GSDMC: variants seen among roughly 807,000 people sequenced by gnomAD.
The protein encoded by GSDMC is gasdermin-C.
Under a neutral mutation model 58.0 loss-of-function variants are expected in GSDMC, and 59 were observed. The observed-to-expected ratio is 1.02, with a 90% CI of 0.82 to 1.26. GSDMC has a LOEUF of 1.26. Ranked by LOEUF, GSDMC falls within the 50% of genes most tolerant of loss-of-function variation. The probability of loss-of-function intolerance (pLI) is 0.00; values close to 1 mark genes in which losing one functional copy is unlikely to be tolerated. For missense variants in GSDMC, 659 were observed against 598.5 expected (o/e 1.10, Z -1.06); for synonymous variants, 241 against 220.2 (o/e 1.09, Z -0.83).
intron 6 of GSDMC, among the ~76,000 whole-genome samples, chr8:129,754,121 C>A (rs1399485164): frequency 6.6e-6 from 1 of 152,230 alleles, no homozygotes; most frequent in African/African-American, 2.4e-5. Flanking sequence ...TTGTCACCTG[C>A]TGATTGTAGA....
chr8:129,720,224 G>A, the GSDMC span, among the ~76,000 whole-genome samples: 1 of 152,156 alleles, frequency 6.6e-6, no homozygotes, highest in African/African-American at 2.4e-5. Flanking sequence ...CCCTCACAGT[G>A]TTTTGGTGAG....
the GSDMC span, among the ~76,000 whole-genome samples, chr8:129,742,576 G>T: frequency 5.3e-5 from 8 of 152,072 alleles, no homozygotes; most frequent in Non-Finnish European, 1.2e-4. Flanking sequence ...AACTCTAGCT[G>T]CCTTGGCTTC....
the GSDMC span, among the ~76,000 whole-genome samples, chr8:129,706,865 A>G: frequency 6.6e-6 from 1 of 152,234 alleles, no homozygotes; most frequent in Non-Finnish European, 1.5e-5. Context: ...CATAGTATTC[A>G]GCTGTCAATA....
intron 3 of GSDMC, 81 bp downstream of exon 3, chr8:129,776,021 T>C (rs1423472103): frequency 3.6e-6 from 4 of 1,098,526 alleles, no homozygotes; most frequent in African/African-American, 1.6e-5. Flanking sequence ...ACAACAAGAC[T>C]TGCTAGATGT....
At chr8:129,746,863 T>C (rs376038459), downstream of GSDMC, among the ~76,000 whole-genome samples, 22 of 152,240 alleles carry the variant, frequency 1.4e-4, no homozygotes, top group Admixed American at 9.8e-4. Flanking sequence ...TTCTCAAATA[T>C]GAAGGGACTT....
downstream of GSDMC, among the ~76,000 whole-genome samples, chr8:129,747,273 T>G (rs2032983520): frequency 6.6e-6 from 1 of 150,920 alleles, no homozygotes; most frequent in Admixed American, 6.6e-5. Flanking sequence ...AAAAAAAAAT[T>G]TGATAAAGAA....
intron 12 of GSDMC, 49 bp from the exon 13 acceptor site, chr8:129,749,574 T>C (rs1458836765): frequency 2.1e-6 from 3 of 1,398,118 alleles, no homozygotes; most frequent in Non-Finnish European, 3.0e-6. Flanking sequence ...GAATCCAGAT[T>C]TTTCCTCCCA....
At chr8:129,774,049 T>G (rs1054189152) in intron 3 of GSDMC, among the ~76,000 whole-genome samples, 1 of 151,944 alleles carries the variant, frequency 6.6e-6, no homozygotes, top group Non-Finnish European at 1.5e-5. Flanking sequence ...TTCACAGAAA[T>G]AGAAAAAATA....
intron 6 of GSDMC, among the ~76,000 whole-genome samples, chr8:129,757,439 C>G (rs2033484992): frequency 6.6e-6 from 1 of 151,972 alleles, no homozygotes; most frequent in Non-Finnish European, 1.5e-5. Context: ...AGCCCAGGAC[C>G]TGATGGATTC....
chr8:129,759,020 A>T (rs2033553966), intron 6 of GSDMC, among the ~76,000 whole-genome samples: 1 of 152,108 alleles, frequency 6.6e-6, no homozygotes, highest in Admixed American at 6.6e-5. Flanking sequence ...ACAGACCCAT[A>T]ACCAAAGGAA....
chr8:129,757,058 G>T (rs1232731985), intron 6 of GSDMC, among the ~76,000 whole-genome samples: 1 of 151,652 alleles, frequency 6.6e-6, no homozygotes, highest in Non-Finnish European at 1.5e-5. Flanking sequence ...AAAGATCAGA[G>T]TAGAAATAAA....
At chr8:129,774,290 GAC>G (rs914700513) in intron 3 of GSDMC, among the ~76,000 whole-genome samples, 8 of 152,102 alleles carry the variant, frequency 5.3e-5, no homozygotes, top group Non-Finnish European at 1.0e-4. Context: ...GACAAGAAAA[GAC>G]AGTGAGATAA....
chr8:129,774,844 A>T (rs1295169342), intron 3 of GSDMC, among the ~76,000 whole-genome samples: 2 of 152,210 alleles, frequency 1.3e-5, no homozygotes, highest in African/African-American at 2.4e-5. Flanking sequence ...AAAATTACTT[A>T]TCAGGGACGT....
the GSDMC span, among the ~76,000 whole-genome samples, chr8:129,736,108 T>G: frequency 2.0e-5 from 3 of 151,780 alleles, no homozygotes; most frequent in Non-Finnish European, 2.9e-5. Context: ...AATTGAATTT[T>G]TGAATAGATC....
the GSDMC span, among the ~76,000 whole-genome samples, chr8:129,733,642 T>C: frequency 2.4e-3 from 358 of 152,082 alleles, 11 homozygotes; most frequent in Admixed American, 0.019. Flanking sequence ...AAAAAGCACA[T>C]CCACACCAAA....
chr8:129,748,892 C>A, intron 13 of GSDMC, 152 bp from the exon 14 acceptor site: 2 of 530,426 alleles, frequency 3.8e-6, no homozygotes. Context: ...TCATACCCTA[C>A]GATCCAAAGA....
intron 6 of GSDMC, among the ~76,000 whole-genome samples, chr8:129,756,413 G>C (rs2033437012): frequency 6.6e-6 from 1 of 151,966 alleles, no homozygotes; most frequent in Non-Finnish European, 1.5e-5. Flanking sequence ...AAGAGAGAGA[G>C]AGCTAAAGAG....
intron 3 of GSDMC, among the ~76,000 whole-genome samples, chr8:129,769,250 G>A (rs960316415): frequency 3.3e-5 from 5 of 152,068 alleles, no homozygotes; most frequent in Non-Finnish European, 5.9e-5. Context: ...AAAAGTCAAA[G>A]ATAAAGAGAA....
At chr8:129,756,526 A>T (rs138424765) in intron 6 of GSDMC, among the ~76,000 whole-genome samples, 2 of 152,290 alleles carry the variant, frequency 1.3e-5, no homozygotes, top group African/African-American at 4.8e-5. Context: ...GAAGCCTGAG[A>T]CTTATTCTGC....
Sources: gnomAD v4.1 joint callset for allele counts (sites outside exome capture counted in the v4.1 genomes callset) on GRCh38, gnomAD v4.1.1 for gene constraint, MANE v1.5 for transcripts, NCBI Gene and HGNC (gene_info 2026-07-23, HGNC 2026-07-21) for gene names.